DLGAP2: variants seen among roughly 807,000 people sequenced by gnomAD.
DLGAP2 encodes the protein DLG associated protein 2.
A neutral mutation model predicts 100.3 loss-of-function variants in DLGAP2; 26 were observed. That is an observed-to-expected ratio of 0.26 (90% CI 0.19 to 0.36). DLGAP2 has a LOEUF of 0.36. Ranked by LOEUF, DLGAP2 falls within the 10% of genes least tolerant of loss-of-function variation. DLGAP2 has a pLI of 1.00. For synonymous variants in DLGAP2, 886 were observed against 630.1 expected (o/e 1.41, Z -6.08); for missense variants, 1,858 against 1,453.2 (o/e 1.28, Z -4.53).
intron 3 of DLGAP2, among the ~76,000 whole-genome samples, chr8:1,309,862 A>G (rs1800573527): frequency 6.6e-6 from 1 of 152,224 alleles, no homozygotes; most frequent in South Asian, 2.1e-4. Flanking sequence ...TGGGAGGCCA[A>G]GGCGGGCAGA....
chr8:1,130,297 C>G (rs1196908784), intron 2 of DLGAP2, among the ~76,000 whole-genome samples: 1 of 152,102 alleles, frequency 6.6e-6, no homozygotes, highest in Non-Finnish European at 1.5e-5. Flanking sequence ...GTTTAGTGTT[C>G]TGTTTTTTGG....
At chr8:1,056,989 G>C (rs1802901078) in intron 2 of DLGAP2, among the ~76,000 whole-genome samples, 1 of 152,322 alleles carries the variant, frequency 6.6e-6, no homozygotes, top group East Asian at 1.9e-4. Context: ...GACAGACCGT[G>C]TTCGTTAGTT....
intron 2 of DLGAP2, among the ~76,000 whole-genome samples, chr8:909,410 AC>A (rs1362674540): frequency 3.3e-5 from 5 of 152,180 alleles, no homozygotes; most frequent in Non-Finnish European, 7.3e-5. Flanking sequence ...AAAGCTAACT[AC>A]TGTACTGCGG....
chr8:1,553,339 C>T (rs71516196), intron 5 of DLGAP2, among the ~76,000 whole-genome samples: 1 of 152,316 alleles, frequency 6.6e-6, no homozygotes, highest in South Asian at 2.1e-4. Flanking sequence ...GGTTCGGACC[C>T]TACTCTTTAT....
intron 3 of DLGAP2, among the ~76,000 whole-genome samples, chr8:1,382,115 G>A (rs1796111646): frequency 1.3e-5 from 2 of 152,176 alleles, no homozygotes; most frequent in Non-Finnish European, 2.9e-5. Context: ...ATAGCCTCCT[G>A]TTAACCAGAA....
At chr8:1,129,542 G>C (rs531125066) in intron 2 of DLGAP2, among the ~76,000 whole-genome samples, 1 of 152,266 alleles carries the variant, frequency 6.6e-6, no homozygotes, top group East Asian at 1.9e-4. Flanking sequence ...AAAATGCTGG[G>C]AGGAGACGTT....
intron 3 of DLGAP2, among the ~76,000 whole-genome samples, chr8:1,314,769 C>G (rs532446761): frequency 8.5e-5 from 13 of 152,362 alleles, no homozygotes; most frequent in Non-Finnish European, 1.5e-4. Context: ...ACTTCTCTCT[C>G]TTTTCTGAAT....
At chr8:847,201 A>G (rs967769192) in intron 1 of DLGAP2, among the ~76,000 whole-genome samples, 1 of 152,210 alleles carries the variant, frequency 6.6e-6, no homozygotes, top group East Asian at 1.9e-4. Flanking sequence ...TCTTGACACA[A>G]TTCAGGAAAA....
At chr8:1,357,980 A>G (rs761689906) in intron 3 of DLGAP2, among the ~76,000 whole-genome samples, 3 of 152,116 alleles carry the variant, frequency 2.0e-5, no homozygotes, top group Non-Finnish European at 4.4e-5. Flanking sequence ...GACCCAATCG[A>G]CTTAGAGAGC....
chr8:994,189 T>G (rs969617172), intron 2 of DLGAP2, among the ~76,000 whole-genome samples: 1 of 152,134 alleles, frequency 6.6e-6, no homozygotes, highest in Non-Finnish European at 1.5e-5. Flanking sequence ...CTAAACATCC[T>G]TATGGTGTTT....
chr8:1,052,386 A>T (rs536885935), intron 2 of DLGAP2, among the ~76,000 whole-genome samples: 1 of 152,348 alleles, frequency 6.6e-6, no homozygotes, highest in East Asian at 1.9e-4. Flanking sequence ...GGCAGTAAAA[A>T]GGAAATAATT....
Position 1,676,647 on chromosome 8 carries a change from AC to A in DLGAP2, c.2288+34del, listed in dbSNP as rs755444890. 7 of 1,593,912 alleles carry A rather than the reference AC, an allele frequency of 4.4e-6. No individual in the cohort carries two copies. The East Asian group carries it at 1.6e-4, about 36-fold the overall frequency. On this transcript the variant is annotated intron_variant, in intron 11 of 14. Coordinates refer to ENST00000637795, the MANE Select transcript of DLGAP2 (RefSeq NM_001346810.2). ...ACTCAGCCCCTCCTGACACGCGGTG[AC>A]CCCCGAGCGAGGGCTCTTTGTCAAA...
chr8:1,521,109 T>G (rs961434788), intron 4 of DLGAP2, among the ~76,000 whole-genome samples: 1 of 151,752 alleles, frequency 6.6e-6, no homozygotes. Flanking sequence ...GGAGGTGATA[T>G]GGGGCGTCTG....
intron 1 of DLGAP2, among the ~76,000 whole-genome samples, chr8:758,421 A>G (rs1820975044): frequency 6.6e-6 from 1 of 152,182 alleles, no homozygotes; most frequent in Non-Finnish European, 1.5e-5. Flanking sequence ...AGATATTTTA[A>G]ATAAAAGTAA....
chr8:1,567,183 G>A (rs1344161732), intron 6 of DLGAP2, among the ~76,000 whole-genome samples: 1 of 152,244 alleles, frequency 6.6e-6, no homozygotes, highest in African/African-American at 2.4e-5. Flanking sequence ...GCAGAGCCAA[G>A]TTGTCTGACC....
In DLGAP2 at chr8:1,279,006, A is replaced by G. The variant is rs1799762358; in HGVS notation, c.106+20123A>G. 2.0e-5 allele frequency among the ~76,000 whole-genome samples: 3 copies of G among 152,228 alleles called. No individual in the cohort carries two copies. The South Asian group carries it at 6.2e-4, about 32-fold the overall frequency. On this transcript the variant is annotated intron_variant, in intron 3 of 14. Coordinates refer to ENST00000637795, the MANE Select transcript of DLGAP2 (RefSeq NM_001346810.2). ...GGATAAAGAACATATAGAAAATATA[A>G]AGAACATATAGTAATGGGGAAGAAA...
At chr8:1,070,464 A>C (rs1158578889) in intron 2 of DLGAP2, among the ~76,000 whole-genome samples, 13 of 152,222 alleles carry the variant, frequency 8.5e-5, no homozygotes, top group Admixed American at 8.5e-4. Flanking sequence ...TAACATCAAC[A>C]TACAACCCCA....
At chr8:1,247,110 G>A (rs62489171) in intron 2 of DLGAP2, 8,848 of 162,030 alleles carry the variant, frequency 0.055, 618 homozygotes, top group South Asian at 0.063. Flanking sequence ...AGACCTTTGA[G>A]ATCAGAGTGG....
At chr8:1,059,452 A>G (rs1456381301) in intron 2 of DLGAP2, among the ~76,000 whole-genome samples, 2 of 152,076 alleles carry the variant, frequency 1.3e-5, no homozygotes, top group Non-Finnish European at 2.9e-5. Context: ...TCCCTCCATG[A>G]GACAGAGACC....
Sources: allele counts gnomAD v4.1 joint callset (sites outside exome capture counted in the v4.1 genomes callset), GRCh38; gene constraint gnomAD v4.1.1; transcripts MANE v1.5; gene names NCBI Gene and HGNC (gene_info 2026-07-23, HGNC 2026-07-21).